Variants in IQCK observed in about 807,000 individuals in gnomAD.
IQCK encodes IQ domain-containing protein K.
In IQCK, 29 loss-of-function variants were observed where a neutral mutation model predicts 28.1. The observed-to-expected ratio is 1.03, with a 90% confidence interval of 0.77 to 1.41. The LOEUF (loss-of-function observed/expected upper bound fraction) is 1.41, where lower values mean the gene tolerates loss of function less well. Among genes scored for constraint, IQCK ranks in the 40% most tolerant of loss-of-function variants. The pLI, the probability that IQCK is intolerant of heterozygous loss-of-function variation, is 0.00. For synonymous variants in IQCK, 113 were observed against 115.1 expected, an observed-to-expected ratio of 0.98 and a Z score of 0.12; for missense variants, 359 against 314.7, an observed-to-expected ratio of 1.14 and a Z score of -1.07.
intron 4 of IQCK, chr16:19,736,203 A>T (rs1282808051): frequency 2.0e-5 from 9 of 453,944 alleles, no homozygotes; most frequent in Non-Finnish European, 1.3e-5. Flanking sequence ...GTAAGTGCTC[A>T]GTAAATAACA....
chr16:19,770,074 T>C (rs971327086), intron 6 of IQCK, among the ~76,000 whole-genome samples: 3 of 152,122 alleles, frequency 2.0e-5, no homozygotes, highest in Admixed American at 6.6e-5. Context: ...AGGATATCCA[T>C]GCCAGAAACA....
chr16:19,769,934 T>A (rs1474490279), intron 6 of IQCK, among the ~76,000 whole-genome samples: 6 of 152,074 alleles, frequency 3.9e-5, no homozygotes, highest in Admixed American at 1.3e-4. Flanking sequence ...GGGTTGTACC[T>A]GAAATGGTGA....
chr16:19,750,925 G>A lies in IQCK; in HGVS notation c.475-12923G>A, dbSNP rs190555574. 8.5e-4 allele frequency among the ~76,000 whole-genome samples: 130 copies of A among 152,230 alleles called. 1 individual carries two copies. The highest frequency in any genetic ancestry group is 2.1e-4 in the Non-Finnish European group (14 of 68,010). On this transcript the variant is annotated intron_variant, in intron 4 of 7. Transcript: ENST00000564186. ...AGGTGGACTGGGACTGGCCATTTAG[G>A]GGGAGTTGAATGGTAGGGGTGGTGT...
intron 4 of IQCK, among the ~76,000 whole-genome samples, chr16:19,758,714 T>A (rs2055089145): frequency 6.6e-6 from 1 of 152,220 alleles, no homozygotes. Context: ...CCCCATTACA[T>A]GGTCTGATAC....
intron 4 of IQCK, chr16:19,735,810 C>A: frequency 5.9e-6 from 2 of 338,676 alleles, no homozygotes; most frequent in Non-Finnish European, 1.1e-5. Context: ...TGCCTATAAT[C>A]CCAGCACTTT....
intron 1 of IQCK, among the ~76,000 whole-genome samples, chr16:19,723,916 T>C (rs968678761): frequency 6.7e-6 from 1 of 150,310 alleles, no homozygotes; most frequent in Non-Finnish European, 1.5e-5. Flanking sequence ...GCCGAGATCA[T>C]GCCATTGCCC....
At chr16:19,732,990 C>T (rs895100829) in intron 2 of IQCK, among the ~76,000 whole-genome samples, 1 of 152,156 alleles carries the variant, frequency 6.6e-6, no homozygotes, top group Non-Finnish European at 1.5e-5. Context: ...CCAGCCTTGC[C>T]ATATATCATT....
intron 4 of IQCK, among the ~76,000 whole-genome samples, chr16:19,756,612 C>T (rs1435054891): frequency 1.3e-5 from 2 of 152,094 alleles, no homozygotes; most frequent in Admixed American, 6.5e-5. Flanking sequence ...CATGGCCGGG[C>T]GCAGTGGCTC....
chr16:19,814,916 A>G (rs541594731), intron 7 of IQCK, among the ~76,000 whole-genome samples: 18 of 151,024 alleles, frequency 1.2e-4, no homozygotes, highest in African/African-American at 4.1e-4. Flanking sequence ...CCTCCCAAGT[A>G]GCTGGAAATA....
intron 4 of IQCK, among the ~76,000 whole-genome samples, chr16:19,746,111 T>C (rs2054907394): frequency 7.3e-6 from 1 of 137,130 alleles, no homozygotes. Flanking sequence ...AGGGTTGCAG[T>C]GAGCAGAGAT....
At chr16:19,854,242 G>A (rs1214839612) in intron 9 of IQCK, among the ~76,000 whole-genome samples, 1 of 152,236 alleles carries the variant, frequency 6.6e-6, no homozygotes, top group African/African-American at 2.4e-5. Flanking sequence ...GTAATCAGTG[G>A]TTCTCAAACT....
At chr16:19,810,934 C>T (rs930761146) in intron 7 of IQCK, among the ~76,000 whole-genome samples, 18 of 152,202 alleles carry the variant, frequency 1.2e-4, no homozygotes, top group African/African-American at 1.9e-4. Flanking sequence ...GAAAGTACTA[C>T]GTAAAAGTCA....
chr16:19,753,961 C>A (rs1021263845), intron 4 of IQCK, among the ~76,000 whole-genome samples: 16 of 152,232 alleles, frequency 1.1e-4, no homozygotes, highest in African/African-American at 3.6e-4. Context: ...CAGCACACCT[C>A]CCCTGACATC....
exon 8 of IQCK, chr16:19,827,041 G>C (rs1347201428): frequency 6.2e-7 from 1 of 1,613,806 alleles, no homozygotes; most frequent in South Asian, 1.1e-5. Flanking sequence ...CTGTGATCCT[G>C]AGATTCAAGA....
chr16:19,818,245 A>G (rs1432204997), intron 7 of IQCK, among the ~76,000 whole-genome samples: 3 of 152,122 alleles, frequency 2.0e-5, no homozygotes, highest in Non-Finnish European at 4.4e-5. Context: ...ATACTGTAAA[A>G]ACACTGGTTT....
intron 4 of IQCK, chr16:19,761,481 G>T: frequency 2.2e-6 from 1 of 449,938 alleles, no homozygotes; most frequent in Non-Finnish European, 4.5e-6. Context: ...AGGACACTTT[G>T]TAGCATCTTT....
At chr16:19,740,830 G>T (rs910047787) in intron 4 of IQCK, among the ~76,000 whole-genome samples, 1 of 151,718 alleles carries the variant, frequency 6.6e-6, no homozygotes, top group African/African-American at 2.4e-5. Context: ...TTAGCCGGGC[G>T]TGGTGGCAGG....
chr16:19,830,460 C>G (rs534743983), downstream of IQCK, among the ~76,000 whole-genome samples: 9 of 152,134 alleles, frequency 5.9e-5, no homozygotes. Flanking sequence ...GCTGGCTTCC[C>G]GTGCCACCTT....
chr16:19,855,552 T>C (rs1018500174), intron 9 of IQCK, among the ~76,000 whole-genome samples: 32 of 152,122 alleles, frequency 2.1e-4, no homozygotes, highest in Non-Finnish European at 4.1e-4. Context: ...GCCACTGCAC[T>C]CCAGCCTGGA....
Sources: allele counts gnomAD v4.1 joint callset (sites outside exome capture counted in the v4.1 genomes callset), GRCh38; gene constraint gnomAD v4.1.1; transcripts MANE v1.5; gene names NCBI Gene and HGNC (gene_info 2026-07-23, HGNC 2026-07-21).